The following NTRK3 variants were observed in gnomAD, a reference collection of about 807,000 sequenced individuals.
The protein encoded by NTRK3 is neurotrophic receptor tyrosine kinase 3.
NTRK3 carries 24 observed loss-of-function variants against 91.7 expected under a neutral mutation model. The ratio of observed to expected loss-of-function variants is 0.26; its 90% confidence interval spans 0.19 to 0.37. The LOEUF is 0.37. NTRK3 is among the 10% of genes least tolerant of loss of function. The pLI is 1.00. For missense variants in NTRK3, 880 were observed against 1,068.9 expected, an observed-to-expected ratio of 0.82 and a Z score of 2.46; for synonymous variants, 483 against 404.0, an observed-to-expected ratio of 1.20 and a Z score of -2.34.
intron 14 of NTRK3, among the ~76,000 whole-genome samples, chr15:88,017,807 C>T (rs2077343108): frequency 6.6e-6 from 1 of 152,174 alleles, no homozygotes; most frequent in Admixed American, 6.5e-5. Context: ...CCACAAATCC[C>T]CAAGCACATA....
At chr15:88,042,718 G>A (rs2079764782) in intron 13 of NTRK3, among the ~76,000 whole-genome samples, 1 of 152,280 alleles carries the variant, frequency 6.6e-6, no homozygotes, top group Non-Finnish European at 1.5e-5. Context: ...AAGGCAGGAT[G>A]GGTATTTGGA....
intron 6 of NTRK3, 59 bp downstream of exon 6, chr15:88,147,276 T>C: frequency 6.7e-7 from 1 of 1,499,908 alleles, no homozygotes; most frequent in Non-Finnish European, 9.3e-7. Flanking sequence ...TTGACACTCC[T>C]CCCCATCCAC....
intron 14 of NTRK3, among the ~76,000 whole-genome samples, chr15:87,949,981 T>C (rs529788438): frequency 6.6e-6 from 1 of 152,248 alleles, no homozygotes; most frequent in Non-Finnish European, 1.5e-5. Flanking sequence ...CTCTTCAAAG[T>C]GCCCATATGA....
chr15:88,184,726 G>A (rs2046814517), intron 3 of NTRK3, among the ~76,000 whole-genome samples: 1 of 152,072 alleles, frequency 6.6e-6, no homozygotes, highest in African/African-American at 2.4e-5. Context: ...CAAATGACAT[G>A]GCTTTAAAAA....
chr15:88,131,891 C>T (rs147584953), intron 10 of NTRK3: 403 of 190,496 alleles, frequency 2.1e-3, no homozygotes, highest in Middle Eastern at 9.2e-3. Flanking sequence ...TGGTCCTCAC[C>T]TCTGACTGCA....
At chr15:87,962,397 TA>T (rs1240167524) in intron 14 of NTRK3, among the ~76,000 whole-genome samples, 2 of 152,130 alleles carry the variant, frequency 1.3e-5, no homozygotes, top group African/African-American at 4.8e-5. Context: ...AGAAAGACAC[TA>T]AAGACCCTGT....
At chr15:88,135,875 T>TC in intron 9 of NTRK3, 24 bp downstream of exon 9, 6 of 1,613,408 alleles carry the variant, frequency 3.7e-6, no homozygotes, top group Non-Finnish European at 5.1e-6. Flanking sequence ...CACACAGCCA[T>TC]CCCCCACAAT....
At chr15:87,904,211 C>T (rs977203111) in intron 17 of NTRK3, among the ~76,000 whole-genome samples, 3 of 148,862 alleles carry the variant, frequency 2.0e-5, no homozygotes, top group East Asian at 2.0e-4. Flanking sequence ...AGTGCAGTGG[C>T]GCAATCTCAG....
At chr15:88,149,303 T>C (rs2043166193) in intron 5 of NTRK3, among the ~76,000 whole-genome samples, 1 of 152,182 alleles carries the variant, frequency 6.6e-6, no homozygotes, top group Non-Finnish European at 1.5e-5. Flanking sequence ...GGAGGCAGCC[T>C]CATGCTGGGG....
At chr15:88,107,453 T>C (rs1472738414) in intron 13 of NTRK3, among the ~76,000 whole-genome samples, 13 of 151,992 alleles carry the variant, frequency 8.6e-5, no homozygotes, top group Non-Finnish European at 1.9e-4. Context: ...AAAAAGAAAA[T>C]CTATGAAGTG....
At chr15:88,085,428 T>A (rs1175981853) in intron 13 of NTRK3, among the ~76,000 whole-genome samples, 1 of 152,226 alleles carries the variant, frequency 6.6e-6, no homozygotes. Flanking sequence ...GCTCATCAGC[T>A]TGCATGCCTA....
At chr15:87,896,982 C>T (rs1464468944) in intron 17 of NTRK3, among the ~76,000 whole-genome samples, 2 of 152,190 alleles carry the variant, frequency 1.3e-5, no homozygotes, top group African/African-American at 2.4e-5. Flanking sequence ...CTCACAAAGA[C>T]ATCATTATAG....
intron 13 of NTRK3, among the ~76,000 whole-genome samples, chr15:88,038,380 G>A (rs1242442914): frequency 6.6e-6 from 1 of 152,138 alleles, no homozygotes; most frequent in Non-Finnish European, 1.5e-5. Flanking sequence ...AAAGCACATA[G>A]GCCCATCACT....
intron 15 of NTRK3, among the ~76,000 whole-genome samples, chr15:87,937,686 G>A (rs1396275421): frequency 6.6e-6 from 1 of 152,008 alleles, no homozygotes; most frequent in Admixed American, 6.6e-5. Context: ...TATTAGAATG[G>A]CTCAAAAAGA....
intron 18 of NTRK3, 110 bp from the exon 20 acceptor site, chr15:87,877,230 G>T: frequency 8.8e-7 from 1 of 1,138,490 alleles, no homozygotes; most frequent in Non-Finnish European, 1.3e-6. Context: ...ATGCAGAGCC[G>T]AGGCTCTCAC....
At chr15:88,020,322 C>G (rs2077513981) in intron 14 of NTRK3, among the ~76,000 whole-genome samples, 1 of 152,182 alleles carries the variant, frequency 6.6e-6, no homozygotes, top group Non-Finnish European at 1.5e-5. Context: ...GAGCCCTCTG[C>G]TCATCTACAT....
intron 14 of NTRK3, among the ~76,000 whole-genome samples, chr15:87,984,310 G>A (rs1473037560): frequency 6.6e-6 from 1 of 152,170 alleles, no homozygotes; most frequent in Non-Finnish European, 1.5e-5. Context: ...ATAGACACAT[G>A]TCTCTTGCTT....
At chr15:87,885,667 T>A in intron 17 of NTRK3, 27 bp downstream of exon 18, 1 of 1,273,234 alleles carries the variant, frequency 7.9e-7, no homozygotes, top group Non-Finnish European at 1.1e-6. Context: ...GAACTATTCA[T>A]TAAAAAAAAT....
chr15:88,211,106 A>G (rs910844666), intron 3 of NTRK3, among the ~76,000 whole-genome samples: 3 of 152,238 alleles, frequency 2.0e-5, no homozygotes, highest in African/African-American at 7.2e-5. Context: ...TCATGCAAAC[A>G]TCACTTCTAT....
Sources: gnomAD v4.1 joint callset for allele counts (sites outside exome capture counted in the v4.1 genomes callset) on GRCh38, gnomAD v4.1.1 for gene constraint, MANE v1.5 for transcripts, NCBI Gene and HGNC (gene_info 2026-07-23, HGNC 2026-07-21) for gene names.